RPL9: variants seen among roughly 807,000 people sequenced by gnomAD.
RPL9 encodes the protein large ribosomal subunit protein uL6.
For missense variants in RPL9, 149 were observed against 236.7 expected (o/e 0.63, Z 2.43); for synonymous variants, 82 against 77.1 (o/e 1.06, Z -0.33).
Position 39,458,152 on chromosome 4 carries a change from C to T in RPL9, c.162+42G>A, listed in dbSNP as rs370624923. 7.5e-4 allele frequency: 1,189 copies of T among 1,595,146 alleles called. 1 individual carries two copies. Among genetic ancestry groups the T allele is most frequent in the Non-Finnish European group, 9.4e-4 (1,097 of 1,164,426 alleles). On this transcript the variant is annotated intron_variant, in intron 3 of 7. Coordinates refer to ENST00000295955, the MANE Select transcript of RPL9 (RefSeq NM_000661.5). ...CCAAATGTGATGCTGTTATAAACCA[C>T]CTTCCAACGAGCAACTGAATTATCA...
At chr4:39,456,647 A>G in intron 4 of RPL9, 109 bp from the exon 5 acceptor site, 2 of 1,180,172 alleles carry the variant, frequency 1.7e-6, no homozygotes, top group Non-Finnish European at 2.4e-6. Flanking sequence ...ACTCACTGCC[A>G]AGATTTTCTA....
chr4:39,457,504 GAA>G, intron 4 of RPL9, 80 bp downstream of exon 4: 1 of 1,189,840 alleles, frequency 8.4e-7, no homozygotes, highest in Non-Finnish European at 1.3e-6. Flanking sequence ...CCCATTCTCT[GAA>G]AGAGACACTT....
chr4:39,456,033 C>A, intron 5 of RPL9: 1 of 269,938 alleles, frequency 3.7e-6, no homozygotes, highest in Non-Finnish European at 7.2e-6. Context: ...GTTAATTAGC[C>A]TGATTTAGTC....
chr4:39,457,677 C>T lies in RPL9; in HGVS notation c.167G>A (p.Arg56Gln), dbSNP rs571555380. Residue 56 changes from arginine to glutamine, a missense_variant, in exon 4 of 8, where the codon CGG becomes CAG. Coordinates refer to ENST00000295955, the MANE Select transcript of RPL9 (RefSeq NM_000661.5). ...TCTGTTACCCCACCATTTGTCAACCCGGAGCTGTAACAGAACAAAAAATGT... is the reference window on the plus strand; with the variant it reads ...TCTGTTACCCCACCATTTGTCAACCTGGAGCTGTAACAGAACAAAAAATGT... ...SLLGKKKKRL[R>Q]VDKWWGNRKE... is the part of the protein sequence containing the mutation. 3 of 1,613,920 alleles carry T rather than the reference C, an allele frequency of 1.9e-6. No individual in the cohort carries two copies. Among genetic ancestry groups the T allele is most frequent in the Admixed American group, 3.3e-5 (2 of 60,010 alleles).
At chr4:39,457,892 G>A (rs998506150) in intron 3 of RPL9, 1 of 625,922 alleles carries the variant, frequency 1.6e-6, no homozygotes. Context: ...TAAATCATCA[G>A]GTTTAAATGA....
rs1040873229 is a variant in RPL9, at chr4:39,454,744, T to C, written c.473-95A>G. 1.0e-5 allele frequency: 15 copies of C among 1,449,790 alleles called. No individual in the cohort carries two copies. The South Asian group carries it at 1.8e-4, about 17-fold the overall frequency. 89.8% of individuals were successfully genotyped at this position (1,449,790 alleles called of 1,614,324 possible). A position where few individuals can be genotyped will look rare whatever the true frequency, so the allele number is the denominator to read the frequency against. ...GTGCTGTACTTAAAATTTCAGAATG[T>C]GACCTTTTTATTTTCACAATTTAAA... On this transcript the variant is annotated intron_variant, in intron 6 of 7. Coordinates refer to ENST00000295955, the MANE Select transcript of RPL9 (RefSeq NM_000661.5).
At chr4:39,457,336 G>A (rs573408941) in intron 4 of RPL9, 4 of 327,780 alleles carry the variant, frequency 1.2e-5, no homozygotes, top group South Asian at 4.3e-5. Context: ...ACAAAATAGC[G>A]AGACCCCAGC....
intron 7 of RPL9, 124 bp downstream of exon 7, chr4:39,454,409 C>G: frequency 1.4e-6 from 1 of 706,604 alleles, no homozygotes; most frequent in Non-Finnish European, 2.3e-6. Flanking sequence ...GTCAAATTTA[C>G]TGTGTTCCAG....
intron 4 of RPL9, 64 bp downstream of exon 4, chr4:39,457,522 G>T: frequency 7.6e-7 from 1 of 1,318,384 alleles, no homozygotes; most frequent in Non-Finnish European, 1.1e-6. Context: ...CACTTACGCT[G>T]TATAAAGCAC....
chr4:39,457,893 GT>G, intron 3 of RPL9: 1 of 625,944 alleles, frequency 1.6e-6, no homozygotes. Context: ...AAATCATCAG[GT>G]TTAAATGACC....
chr4:39,457,502 C>T (rs1036017680), intron 4 of RPL9, 84 bp downstream of exon 4: 1 of 1,170,636 alleles, frequency 8.5e-7, no homozygotes, highest in East Asian at 2.3e-5. Flanking sequence ...GACCCATTCT[C>T]TGAAAGAGAC....
At chr4:39,457,867 T>A in intron 3 of RPL9, 186 bp from the exon 4 acceptor site, 1 of 634,138 alleles carries the variant, frequency 1.6e-6, no homozygotes. Flanking sequence ...GCAACAAACT[T>A]CCCTTCTGGA....
chr4:39,455,556 C>G (rs1177938376), intron 5 of RPL9, among the ~76,000 whole-genome samples: 1 of 151,750 alleles, frequency 6.6e-6, no homozygotes, highest in South Asian at 2.1e-4. Context: ...TGGGGCCAGG[C>G]ACCATAGCAT....
chr4:39,458,542 T>C (rs1242720363), intron 1 of RPL9, 102 bp from the exon 2 acceptor site: 3 of 1,297,948 alleles, frequency 2.3e-6, no homozygotes, highest in Non-Finnish European at 3.3e-6. Flanking sequence ...CAGGCGGAAG[T>C]TCCAGACAAG....
rs1030248171 is a variant in RPL9 at position 39,458,903 on chromosome 4, G to T, written c.-14C>A. 1 of 705,662 alleles carries T rather than the reference G, an allele frequency of 1.4e-6. No individual in the cohort carries two copies. The highest frequency in any genetic ancestry group is 1.7e-5 in the African/African-American group (1 of 57,418). The allele number at this position is 705,662 out of a possible 1,614,324, so 43.7% of individuals were successfully genotyped here. On this transcript the variant is annotated 5_prime_UTR_variant, in exon 1 of 8. Transcript: ENST00000295955. ...GAAACATCCTTACCTCGCAGTAGACGCAGCAAAGAAAGAACGTCTGTCGTC... is the reference window on the plus strand; with the variant it reads ...GAAACATCCTTACCTCGCAGTAGACTCAGCAAAGAAAGAACGTCTGTCGTC...
In RPL9 at chr4:39,457,627, T is replaced by C; in HGVS notation, c.217A>G (p.Ile73Val). 1 of 1,614,168 alleles carries C rather than the reference T, an allele frequency of 6.2e-7. No individual in the cohort carries two copies. Residue 73 changes from isoleucine to valine, a missense_variant, in exon 4 of 8, where the codon ATT becomes GTT. Coordinates refer to ENST00000295955, the MANE Select transcript of RPL9 (RefSeq NM_000661.5). ...ATCATGTTCTGTACATGACTACAAA[T>C]AGTCCGAACGGTAGCCAGTTCCTTT... ...NRKELATVRT[I>V]CSHVQNMIKG...
At position 39,458,302 on chromosome 4, in the gene RPL9, A is replaced by T; in HGVS notation, c.54T>A (p.Ile18=). ...CGATAACTGTGCGTCCCTTCAGAGT[A>T]ATGTCGACTAGAAGAGAGAACACAC... ...QTVDIPENVD[I]TLKGRTVIVK... Residue 18 remains isoleucine, a synonymous_variant, in exon 3 of 8, where the codon ATT becomes ATA. Coordinates refer to ENST00000295955, the MANE Select transcript of RPL9 (RefSeq NM_000661.5). The T allele has an allele frequency of 6.2e-7, 1 of 1,614,110 alleles. No homozygotes were observed. The highest frequency in any genetic ancestry group is 8.5e-7 in the Non-Finnish European group (1 of 1,179,992).
intron 4 of RPL9, 28 bp from the exon 5 acceptor site, chr4:39,456,566 A>G (rs940086092): frequency 1.8e-5 from 29 of 1,609,016 alleles, no homozygotes; most frequent in Non-Finnish European, 2.4e-5. Flanking sequence ...GCAAGCTATT[A>G]GCAATGCTGA....
chr4:39,455,185 A>G (rs963996434), intron 5 of RPL9: 4 of 353,130 alleles, frequency 1.1e-5, no homozygotes, highest in African/African-American at 8.6e-5. Flanking sequence ...CATCTCTAGT[A>G]AAAATACAAA....
Sources: allele counts gnomAD v4.1 joint callset (sites outside exome capture counted in the v4.1 genomes callset), GRCh38; gene constraint gnomAD v4.1.1; transcripts MANE v1.5; gene names NCBI Gene and HGNC (gene_info 2026-07-23, HGNC 2026-07-21).